Variants in NCKAP5 observed in about 807,000 individuals in gnomAD.
The protein encoded by NCKAP5 is nck-associated protein 5.
In NCKAP5, 92 loss-of-function variants were observed where a neutral mutation model predicts 167.0. The ratio of observed to expected loss-of-function variants is 0.55; its 90% confidence interval spans 0.47 to 0.66. The LOEUF (loss-of-function observed/expected upper bound fraction) is 0.66, where lower values mean the gene tolerates loss of function less well. Among genes scored for constraint, NCKAP5 ranks in the 30% least tolerant of loss-of-function variants. NCKAP5 has a pLI of 0.00. For missense variants in NCKAP5, 2,378 were observed against 2,315.0 expected (o/e 1.03, Z -0.56); for synonymous variants, 891 against 877.4 (o/e 1.02, Z -0.27).
At chr2:133,190,414 G>GA (rs1434889647) in intron 5 of NCKAP5, among the ~76,000 whole-genome samples, 5 of 151,566 alleles carry the variant, frequency 3.3e-5, no homozygotes, top group South Asian at 2.1e-4. Flanking sequence ...CACAGAATTG[G>GA]AAAAAACTAA....
At position 132,969,986 on chromosome 2, in the gene NCKAP5, A is replaced by G. The variant is rs865972876; in HGVS notation, c.430-6117T>C. Among the ~76,000 whole-genome samples, 6 of 152,322 alleles carry G rather than the reference A, an allele frequency of 3.9e-5. No individual in the cohort carries two copies. In the South Asian group the frequency reaches 8.3e-4, roughly 21 times the overall value. The stretch of plus-strand genomic sequence containing the variant: ...TAAGGTAACATTGAGAAAGAGAGAA[A>G]ATGGAAGGGACGTATTTAGAGTAAG... On this transcript the variant is annotated intron_variant, in intron 7 of 19. Transcript: ENST00000409261.
At chr2:133,487,602 G>A (rs1171451644) in intron 3 of NCKAP5, among the ~76,000 whole-genome samples, 1 of 152,132 alleles carries the variant, frequency 6.6e-6, no homozygotes, top group African/African-American at 2.4e-5. Context: ...GCAGGGGGGA[G>A]TTGGGAGAAA....
chr2:133,295,344 T>G (rs1679885214), intron 4 of NCKAP5, among the ~76,000 whole-genome samples: 1 of 152,146 alleles, frequency 6.6e-6, no homozygotes, highest in Admixed American at 6.6e-5. Context: ...ATTTTTAAAG[T>G]AAAAAATAAA....
At chr2:133,279,850 T>G (rs2089874236) in intron 4 of NCKAP5, among the ~76,000 whole-genome samples, 1 of 152,248 alleles carries the variant, frequency 6.6e-6, no homozygotes, top group African/African-American at 2.4e-5. Flanking sequence ...AAGATGAATG[T>G]TCTTGTCTTA....
chr2:133,456,484 G>C (rs1242304451), intron 3 of NCKAP5, among the ~76,000 whole-genome samples: 1 of 152,176 alleles, frequency 6.6e-6, no homozygotes, highest in Non-Finnish European at 1.5e-5. Context: ...GAGAAAAGGA[G>C]TGCAGGCTCC....
intron 3 of NCKAP5, among the ~76,000 whole-genome samples, chr2:133,430,486 T>C (rs1318769302): frequency 1.3e-5 from 2 of 152,314 alleles, no homozygotes; most frequent in Admixed American, 6.5e-5. Flanking sequence ...GGTTTTCTTC[T>C]GGCATTTTTA....
rs555196096 is a variant in NCKAP5, at chr2:133,263,432, T to C, written c.143+39605A>G. ...TCTTGGCTTATCTGTTATCTAGTCATACCCAAAGCCAGCCCCCAGCCATAA... is the reference window on the plus strand; with the variant it reads ...TCTTGGCTTATCTGTTATCTAGTCACACCCAAAGCCAGCCCCCAGCCATAA... On this transcript the variant is annotated intron_variant, in intron 4 of 19. Coordinates refer to ENST00000409261, the MANE Select transcript of NCKAP5 (RefSeq NM_207363.3). Among the ~76,000 whole-genome samples, 4 of 152,118 alleles carry C rather than the reference T, an allele frequency of 2.6e-5. No homozygotes were observed. In the South Asian group the frequency reaches 8.3e-4, roughly 32 times the overall value.
intron 3 of NCKAP5, among the ~76,000 whole-genome samples, chr2:133,371,109 G>A (rs1198954954): frequency 6.6e-6 from 1 of 152,156 alleles, no homozygotes; most frequent in African/African-American, 2.4e-5. Context: ...AAACATCTAT[G>A]TGTGGCTCAA....
At chr2:133,112,934 C>A (rs1167968770) in intron 6 of NCKAP5, among the ~76,000 whole-genome samples, 1 of 152,188 alleles carries the variant, frequency 6.6e-6, no homozygotes, top group African/African-American at 2.4e-5. Flanking sequence ...TGGCCTTACA[C>A]TTTTAGCAAA....
intron 3 of NCKAP5, among the ~76,000 whole-genome samples, chr2:133,446,836 G>A (rs539219388): frequency 1.3e-5 from 2 of 152,092 alleles, no homozygotes; most frequent in African/African-American, 4.8e-5. Flanking sequence ...TGAGAAGTGA[G>A]GGGAAAGGGA....
At position 133,510,239 on chromosome 2, in the gene NCKAP5, C is replaced by T. The variant is rs75899960; in HGVS notation, c.69+7219G>A. Among the ~76,000 whole-genome samples, 45 of 152,254 alleles carry T rather than the reference C, an allele frequency of 3.0e-4. No individual in the cohort carries two copies. In the East Asian group the frequency reaches 6.0e-3, roughly 20 times the overall value. On this transcript the variant is annotated intron_variant, in intron 3 of 19. Transcript: ENST00000409261. ...ATAAACCCCACTGCATGCTGGGGGACGGCTAGATGCTGGAGGTGCCCCATC... is the reference window on the plus strand; with the variant it reads ...ATAAACCCCACTGCATGCTGGGGGATGGCTAGATGCTGGAGGTGCCCCATC...
intron 2 of NCKAP5, among the ~76,000 whole-genome samples, chr2:133,535,790 T>G (rs1575119828): frequency 6.6e-6 from 1 of 152,200 alleles, no homozygotes; most frequent in African/African-American, 2.4e-5. Context: ...CTCCACATTT[T>G]TGTCAGCATC....
intron 3 of NCKAP5, among the ~76,000 whole-genome samples, chr2:133,403,737 C>T (rs1020121726): frequency 3.9e-5 from 6 of 152,156 alleles, no homozygotes; most frequent in African/African-American, 1.4e-4. Flanking sequence ...GCTCCAAGTC[C>T]CATCTCATTC....
intron 3 of NCKAP5, among the ~76,000 whole-genome samples, chr2:133,384,663 C>T (rs1163136560): frequency 1.3e-5 from 2 of 152,138 alleles, no homozygotes; most frequent in Admixed American, 6.6e-5. Context: ...GCCATTTTCA[C>T]AATATTGATT....
At chr2:133,405,411 T>C (rs1255440848) in intron 3 of NCKAP5, among the ~76,000 whole-genome samples, 1 of 152,224 alleles carries the variant, frequency 6.6e-6, no homozygotes, top group Non-Finnish European at 1.5e-5. Context: ...TCGGGGCCAT[T>C]TTAAACAGTG....
chr2:132,701,283 G>T (rs968654350), intron 19 of NCKAP5, among the ~76,000 whole-genome samples: 4 of 152,182 alleles, frequency 2.6e-5, no homozygotes, highest in Admixed American at 2.6e-4. Flanking sequence ...ATGAGGGCGG[G>T]ATAAGAGAGC....
At chr2:132,721,302 C>T (rs562142554) in intron 19 of NCKAP5, among the ~76,000 whole-genome samples, 34 of 151,906 alleles carry the variant, frequency 2.2e-4, no homozygotes, top group African/African-American at 7.7e-4. Context: ...AACAAGACTC[C>T]GTCTTGGAAA....
At chr2:133,390,173 G>T (rs954550699) in intron 3 of NCKAP5, among the ~76,000 whole-genome samples, 7 of 152,190 alleles carry the variant, frequency 4.6e-5, no homozygotes, top group African/African-American at 1.4e-4. Context: ...CAACCCTCCA[G>T]GCCCACTGTG....
At chr2:132,694,241 A>T (rs1286975434) in intron 19 of NCKAP5, among the ~76,000 whole-genome samples, 2 of 152,078 alleles carry the variant, frequency 1.3e-5, no homozygotes, top group African/African-American at 4.8e-5. Flanking sequence ...AATTCTCTAA[A>T]ATATTAAAAG....
Sources: allele counts gnomAD v4.1 joint callset (sites outside exome capture counted in the v4.1 genomes callset), GRCh38; gene constraint gnomAD v4.1.1; transcripts MANE v1.5; gene names NCBI Gene and HGNC (gene_info 2026-07-23, HGNC 2026-07-21).